HECTD2: variants seen among roughly 807,000 people sequenced by gnomAD.
HECTD2 encodes probable E3 ubiquitin-protein ligase HECTD2.
Under a neutral mutation model 103.2 loss-of-function variants are expected in HECTD2, and 35 were observed. The observed-to-expected ratio is 0.34, with a 90% CI of 0.26 to 0.45. The LOEUF is 0.45. HECTD2 is among the 20% of genes least tolerant of loss of function. HECTD2 has a pLI of 1.00. For synonymous variants in HECTD2, 281 were observed against 329.9 expected (o/e 0.85, Z 1.61); for missense variants, 596 against 937.4 (o/e 0.64, Z 4.76).
chr10:91,432,852 C>T (rs183211704), intron 2 of HECTD2, among the ~76,000 whole-genome samples: 2 of 152,046 alleles, frequency 1.3e-5, no homozygotes, highest in East Asian at 1.9e-4. Context: ...TGATCTTTGT[C>T]ACCCTGAAAT....
intron 4 of HECTD2, 36 bp from the exon 5 acceptor site, chr10:91,462,059 T>G (rs1845371405): frequency 2.1e-6 from 3 of 1,426,336 alleles, no homozygotes; most frequent in Non-Finnish European, 2.9e-6. Flanking sequence ...GTCTTTAAAA[T>G]GTTGAATATA....
chr10:91,487,697 G>A lies in HECTD2; in HGVS notation c.1110G>A (p.Gln370=). 6.2e-7 allele frequency: 1 copy of A among 1,610,132 alleles called. No homozygotes were observed. Among genetic ancestry groups the A allele is most frequent in the Non-Finnish European group, 8.5e-7 (1 of 1,176,788 alleles). ...FGNSHRFSFC[Q]YPFVISVAAK... The stretch of plus-strand genomic sequence containing the variant: ...TGTTGAGCAGGTTTTCCTTCTGTCA[G>A]TACCCATTCGTTATTTCTGTAGCTG... The change falls in exon 11 of 21, where the codon CAG becomes CAA. Residue 370 remains glutamine, a synonymous_variant. Transcript: ENST00000298068. The surrounding 1 kb of genome is among the most constrained non-coding windows in gnomAD (Gnocchi z 4.1).
intron 5 of HECTD2, chr10:91,462,624 T>C (rs766405215): frequency 1.9e-6 from 2 of 1,027,508 alleles, no homozygotes; most frequent in South Asian, 4.6e-5. Context: ...ATATGTTGAT[T>C]TATGAGTTCA....
chr10:91,466,122 C>T (rs895504941), intron 5 of HECTD2, among the ~76,000 whole-genome samples: 1 of 152,078 alleles, frequency 6.6e-6, no homozygotes, highest in African/African-American at 2.4e-5. Context: ...TAGACACAGG[C>T]TTATTCAGAT....
chr10:91,465,716 C>T (rs1589514239), intron 5 of HECTD2, among the ~76,000 whole-genome samples: 2 of 151,888 alleles, frequency 1.3e-5, no homozygotes, highest in African/African-American at 2.4e-5. Context: ...TTTAGCTTGT[C>T]GATGTGATGA....
rs193032215 is a variant in HECTD2 at position 91,471,711 on chromosome 10, T to C, written c.601-6490T>C. ...ATCAAGAACGCAATTCCACTCACAA[T>C]AGCCACAAAAAGAATAAAATACCTG... On this transcript the variant is annotated intron_variant, in intron 5 of 20. Transcript: ENST00000298068. Among the ~76,000 whole-genome samples the C allele has an allele frequency of 2.7e-3, 408 of 152,268 alleles. 2 individuals are homozygous for C. Among genetic ancestry groups the C allele is most frequent in the African/African-American group, 9.1e-3 (380 of 41,568 alleles).
At chr10:91,433,544 A>T (rs556786208) in intron 2 of HECTD2, among the ~76,000 whole-genome samples, 306 of 152,140 alleles carry the variant, frequency 2.0e-3, no homozygotes, top group African/African-American at 6.7e-3. Flanking sequence ...TATTGGATGT[A>T]CATTTGTATT....
intron 5 of HECTD2, among the ~76,000 whole-genome samples, chr10:91,468,021 C>T (rs1845592297): frequency 6.6e-6 from 1 of 152,196 alleles, no homozygotes; most frequent in African/African-American, 2.4e-5. Context: ...CAAGCCCACT[C>T]CTACTAGTAC....
Position 91,410,395 on chromosome 10 carries a change from TG to T in HECTD2, c.-43del. On this transcript the variant is annotated 5_prime_UTR_variant, in exon 1 of 21. Coordinates refer to ENST00000298068, the MANE Select transcript of HECTD2 (RefSeq NM_182765.6). ...GCAGCAGCGCCAGCCCCAGCAACAC[TG>T]AGGCCGCCGCCGCCGCCTGGCGCTC... 1 of 1,315,344 alleles carries T rather than the reference TG, an allele frequency of 7.6e-7. No homozygotes were observed. Among genetic ancestry groups the T allele is most frequent in the South Asian group, 1.9e-5 (1 of 53,380 alleles). 81.5% of individuals were successfully genotyped at this position (1,315,344 alleles called of 1,614,324 possible). A position where few individuals can be genotyped will look rare whatever the true frequency, so the allele number is the denominator to read the frequency against.
chr10:91,412,624 A>AT (rs1222875069), intron 1 of HECTD2, among the ~76,000 whole-genome samples: 9 of 146,890 alleles, frequency 6.1e-5, no homozygotes, highest in South Asian at 2.1e-4. Flanking sequence ...TTGATTATTT[A>AT]TTTTTTAAAA....
chr10:91,472,912 G>T (rs560270452), intron 5 of HECTD2, among the ~76,000 whole-genome samples: 1 of 152,076 alleles, frequency 6.6e-6, no homozygotes, highest in African/African-American at 2.4e-5. Flanking sequence ...AAACTGGAAG[G>T]TAGAAGTGAA....
At chr10:91,453,439 A>G (rs1301750693) in intron 2 of HECTD2, among the ~76,000 whole-genome samples, 1 of 152,090 alleles carries the variant, frequency 6.6e-6, no homozygotes, top group African/African-American at 2.4e-5. Context: ...ACACACACAA[A>G]AAGAAAATTA....
intron 2 of HECTD2, among the ~76,000 whole-genome samples, chr10:91,428,583 G>A (rs1276589658): frequency 2.6e-5 from 4 of 152,142 alleles, no homozygotes; most frequent in Admixed American, 6.5e-5. Context: ...TCCTTGAAGA[G>A]TTCCTTCACA....
Position 91,410,400 on chromosome 10 carries a change from C to A in HECTD2, c.-39C>A, listed in dbSNP as rs1350959999. 3 of 1,276,170 alleles carry A rather than the reference C, an allele frequency of 2.4e-6. No individual in the cohort carries two copies. Among genetic ancestry groups the A allele is most frequent in the Non-Finnish European group, 3.0e-6 (3 of 998,354 alleles). The allele number at this position is 1,276,170 out of a possible 1,614,324, so 79.1% of individuals were successfully genotyped here. ...AGCGCCAGCCCCAGCAACACTGAGG[C>A]CGCCGCCGCCGCCTGGCGCTCCCGC... On this transcript the variant is annotated 5_prime_UTR_variant, in exon 1 of 21. Transcript: ENST00000298068.
chr10:91,507,298 TAAAG>T (rs1322364296), intron 20 of HECTD2, among the ~76,000 whole-genome samples: 1 of 151,156 alleles, frequency 6.6e-6, no homozygotes, highest in African/African-American at 2.4e-5. Context: ...GAGAAGGAAA[TAAAG>T]GGTATTCAAT....
intron 9 of HECTD2, 22 bp downstream of exon 9, chr10:91,484,677 A>C: frequency 1.3e-6 from 2 of 1,555,758 alleles, no homozygotes; most frequent in Non-Finnish European, 1.7e-6. Flanking sequence ...TTATTCTATC[A>C]TTTTTTACTT....
chr10:91,503,824 G>A (rs886818359), intron 20 of HECTD2, among the ~76,000 whole-genome samples: 17 of 152,358 alleles, frequency 1.1e-4, no homozygotes, highest in African/African-American at 3.8e-4. Flanking sequence ...TCTGGGGGCA[G>A]GGCACAGACA....
chr10:91,492,857 A>G (rs1431566223), intron 13 of HECTD2, among the ~76,000 whole-genome samples: 1 of 152,094 alleles, frequency 6.6e-6, no homozygotes, highest in Admixed American at 6.5e-5. Flanking sequence ...TCTTTCATTA[A>G]TGGGTCATTT....
chr10:91,444,910 A>G (rs1476181303), intron 2 of HECTD2, among the ~76,000 whole-genome samples: 3 of 152,212 alleles, frequency 2.0e-5, no homozygotes, highest in African/African-American at 7.2e-5. Flanking sequence ...TGAACTGATA[A>G]GCAGTAATCG....
Sources: allele counts gnomAD v4.1 joint callset (sites outside exome capture counted in the v4.1 genomes callset), GRCh38; gene constraint gnomAD v4.1.1; non-coding constraint Gnocchi (gnomAD v3.1); transcripts MANE v1.5; gene names NCBI Gene and HGNC (gene_info 2026-07-23, HGNC 2026-07-21).